CAP1: variants seen among roughly 807,000 people sequenced by gnomAD.
The protein encoded by CAP1 is adenylyl cyclase-associated protein 1.
In CAP1, 11 loss-of-function variants were observed where a neutral mutation model predicts 58.2. The observed-to-expected ratio is 0.19, with a 90% CI of 0.12 to 0.31. CAP1 has a LOEUF of 0.31. Among genes scored for constraint, CAP1 ranks in the 10% least tolerant of loss-of-function variants. The pLI is 1.00. For missense variants in CAP1, 423 were observed against 587.5 expected, an observed-to-expected ratio of 0.72 and a Z score of 2.89; for synonymous variants, 183 against 213.8, an observed-to-expected ratio of 0.86 and a Z score of 1.26.
chr1:40,042,895 G>A (rs1349683444), intron 1 of CAP1, among the ~76,000 whole-genome samples: 8 of 152,132 alleles, frequency 5.3e-5, no homozygotes, highest in Admixed American at 2.6e-4. Flanking sequence ...TAAGAATAGC[G>A]CGATTGCCTG....
At chr1:40,061,457 A>C (rs944650129) in intron 3 of CAP1, among the ~76,000 whole-genome samples, 1 of 152,224 alleles carries the variant, frequency 6.6e-6, no homozygotes, top group Non-Finnish European at 1.5e-5. Flanking sequence ...ACGGTATCAC[A>C]ATGCATGTGT....
At chr1:40,040,476 A>T (rs1645760909), upstream of CAP1, 1 of 152,192 alleles carries the variant, frequency 6.6e-6, no homozygotes. Flanking sequence ...GGGTAGGTAA[A>T]GCGGAACGAG....
rs142064137 is a variant in CAP1, at chr1:40,051,615, G to A, written c.-10-7722G>A. ...TTTTGAGATGGAGTCTCACTCTGTCGCCCAGGCTGGAGTGCAGTGGCGCGA... is the reference window on the plus strand; with the variant it reads ...TTTTGAGATGGAGTCTCACTCTGTCACCCAGGCTGGAGTGCAGTGGCGCGA... On this transcript the variant is annotated intron_variant, in intron 1 of 12. Transcript: ENST00000372805. Among the ~76,000 whole-genome samples the A allele has an allele frequency of 1.1e-3, 160 of 152,114 alleles. 2 individuals carry two copies. Among genetic ancestry groups the A allele is most frequent in the African/African-American group, 3.4e-3 (140 of 41,502 alleles).
chr1:40,046,387 T>A (rs901232228), intron 1 of CAP1, among the ~76,000 whole-genome samples: 1 of 151,302 alleles, frequency 6.6e-6, no homozygotes, highest in Non-Finnish European at 1.5e-5. Context: ...CCCGGGGAGG[T>A]GGAGGTTGCA....
intron 3 of CAP1, among the ~76,000 whole-genome samples, chr1:40,060,892 T>A (rs1224397765): frequency 1.3e-5 from 2 of 152,314 alleles, no homozygotes; most frequent in East Asian, 3.9e-4. Flanking sequence ...GGACTGGGAC[T>A]TTAATAAGGG....
intron 9 of CAP1, 121 bp from the exon 10 acceptor site, chr1:40,070,036 AGC>A: frequency 6.8e-7 from 1 of 1,471,750 alleles, no homozygotes; most frequent in Non-Finnish European, 9.3e-7. Context: ...GGTTAAATGG[AGC>A]TTAGCTAGAT....
In CAP1 at chr1:40,072,254, A is replaced by G; in HGVS notation, c.*721A>G. ...TCCTATAGAGATGACTTTAAAAGGA[A>G]AAAAAAAAAAAAAAAAACCCACATG... On this transcript the variant is annotated 3_prime_UTR_variant, in exon 13 of 13. Transcript: ENST00000372805. 1 of 231,114 alleles carries G rather than the reference A, an allele frequency of 4.3e-6. No individual in the cohort carries two copies. The highest frequency in any genetic ancestry group is 7.4e-6 in the Non-Finnish European group (1 of 135,020). The allele number at this position is 231,114 out of a possible 1,614,324, so 14.3% of individuals were successfully genotyped here.
At chr1:40,065,337 C>T (rs1404546877) in intron 6 of CAP1, among the ~76,000 whole-genome samples, 1 of 152,190 alleles carries the variant, frequency 6.6e-6, no homozygotes, top group African/African-American at 2.4e-5. Context: ...CTGACTTCTC[C>T]ATTGCTGGTT....
At chr1:40,044,982 T>G (rs1220026425) in intron 1 of CAP1, among the ~76,000 whole-genome samples, 1 of 151,550 alleles carries the variant, frequency 6.6e-6, no homozygotes, top group African/African-American at 2.4e-5. Flanking sequence ...ATTTTTAGTA[T>G]AGACGGGGTT....
intron 11 of CAP1, 81 bp from the exon 12 acceptor site, chr1:40,070,755 G>A (rs747306150): frequency 8.2e-5 from 105 of 1,286,310 alleles, no homozygotes; most frequent in East Asian, 1.2e-4. Flanking sequence ...GCTGAGTCAC[G>A]TGAAACAGGA....
chr1:40,067,496 G>A, intron 7 of CAP1, 44 bp from the exon 8 acceptor site: 2 of 1,540,886 alleles, frequency 1.3e-6, no homozygotes. Context: ...TGGTACAGAG[G>A]GGAGCAGAGA....
At chr1:40,056,415 C>T (rs1646620562) in intron 1 of CAP1, among the ~76,000 whole-genome samples, 1 of 151,990 alleles carries the variant, frequency 6.6e-6, no homozygotes, top group Non-Finnish European at 1.5e-5. Flanking sequence ...CACACCTCAG[C>T]CTCCTGGGTA....
rs1231198958 is a variant in CAP1, at chr1:40,066,397, T to C, written c.630+77T>C. 4 of 704,748 alleles carry C rather than the reference T, an allele frequency of 5.7e-6. No individual in the cohort carries two copies. In the African/African-American group the frequency reaches 7.2e-5, roughly 13 times the overall value. The allele number at this position is 704,748 out of a possible 1,614,324, so 43.7% of individuals were successfully genotyped here. On this transcript the variant is annotated intron_variant, in intron 7 of 12. Transcript: ENST00000372805. ...CATGGGGTCCACAGGTTTCTTAGAC[T>C]TCAGCACTACCAAAGTCTGTGAGGG...
chr1:40,068,382 TGCCTCA>T (rs1460788772), intron 8 of CAP1, among the ~76,000 whole-genome samples: 1 of 152,088 alleles, frequency 6.6e-6, no homozygotes, highest in East Asian at 1.9e-4. Flanking sequence ...GCAATTCTCC[TGCCTCA>T]GCCTCCCGAG....
intron 1 of CAP1, among the ~76,000 whole-genome samples, chr1:40,051,534 T>C (rs915484458): frequency 6.6e-6 from 1 of 151,798 alleles, no homozygotes; most frequent in Non-Finnish European, 1.5e-5. Flanking sequence ...GCCTGGTCAA[T>C]AGAGCCAGAC....
At chr1:40,053,165 A>G (rs138472021) in intron 1 of CAP1, among the ~76,000 whole-genome samples, 2,240 of 152,290 alleles carry the variant, frequency 0.015, 56 homozygotes, top group African/African-American at 0.049. Flanking sequence ...TGGAGGTTGC[A>G]GTGATCTGAG....
intron 1 of CAP1, among the ~76,000 whole-genome samples, chr1:40,049,422 G>A (rs1646258281): frequency 6.6e-6 from 1 of 151,810 alleles, no homozygotes; most frequent in Admixed American, 6.6e-5. Flanking sequence ...TTTTAGCCAG[G>A]CTGGTCTCGA....
At chr1:40,066,369 C>T in intron 7 of CAP1, 49 bp downstream of exon 7, 1 of 963,554 alleles carries the variant, frequency 1.0e-6, no homozygotes, top group Non-Finnish European at 1.7e-6. Context: ...TTTCTCTCTC[C>T]AGCATGGGGT....
At chr1:40,045,648 C>T (rs1360695201) in intron 1 of CAP1, among the ~76,000 whole-genome samples, 3 of 152,074 alleles carry the variant, frequency 2.0e-5, no homozygotes, top group South Asian at 2.1e-4. Context: ...CTCCCCCTCC[C>T]GGGTTCAAGC....
Sources: gnomAD v4.1 joint callset for allele counts (sites outside exome capture counted in the v4.1 genomes callset) on GRCh38, gnomAD v4.1.1 for gene constraint, MANE v1.5 for transcripts, NCBI Gene and HGNC (gene_info 2026-07-23, HGNC 2026-07-21) for gene names.